MBD5: variants seen among roughly 807,000 people sequenced by gnomAD.
The protein encoded by MBD5 is methyl-CpG-binding domain protein 5.
A neutral mutation model predicts 117.3 loss-of-function variants in MBD5; 13 were observed. The ratio of observed to expected loss-of-function variants is 0.11; its 90% CI spans 0.07 to 0.18. MBD5 has a LOEUF of 0.18. Among genes scored for constraint, MBD5 ranks in the 10% least tolerant of loss-of-function variants. MBD5 has a pLI of 1.00. For synonymous variants in MBD5, 727 were observed against 766.4 expected, an observed-to-expected ratio of 0.95 and a Z score of 0.85; for missense variants, 1,879 against 2,093.8, an observed-to-expected ratio of 0.90 and a Z score of 2.00.
chr2:148,143,107 TAAGTG>T (rs1359161515), intron 1 of MBD5, among the ~76,000 whole-genome samples: 1 of 152,192 alleles, frequency 6.6e-6, no homozygotes, highest in Non-Finnish European at 1.5e-5. Context: ...AAAAAATTGT[TAAGTG>T]AAGAAGTAGA....
chr2:148,241,836 T>G (rs1186761483), intron 3 of MBD5, among the ~76,000 whole-genome samples: 1 of 152,200 alleles, frequency 6.6e-6, no homozygotes, highest in African/African-American at 2.4e-5. Context: ...CTCTCTAACA[T>G]GTCTTCAAAT....
chr2:148,492,435 A>G (rs1681558278), intron 11 of MBD5, among the ~76,000 whole-genome samples: 1 of 152,050 alleles, frequency 6.6e-6, no homozygotes, highest in Admixed American at 6.5e-5. Context: ...AAGTATTTTT[A>G]GTAATTCAGA....
At chr2:148,296,725 A>G (rs1368308508) in intron 3 of MBD5, 1 of 153,384 alleles carries the variant, frequency 6.5e-6, no homozygotes, top group African/African-American at 2.4e-5. Flanking sequence ...CCACAAACCC[A>G]CACACCAAAC....
intron 12 of MBD5, among the ~76,000 whole-genome samples, chr2:148,503,348 G>A (rs1412078414): frequency 6.6e-6 from 1 of 152,102 alleles, no homozygotes. Flanking sequence ...GGCTTAATGT[G>A]TATATGTATT....
chr2:148,095,707 T>C (rs1449958), intron 1 of MBD5, among the ~76,000 whole-genome samples: 67,856 of 151,706 alleles, frequency 0.45, 15,295 homozygotes, highest in South Asian at 0.51. Flanking sequence ...TATTTTAAAA[T>C]TAATTAAGTT....
intron 3 of MBD5, among the ~76,000 whole-genome samples, chr2:148,257,794 T>G (rs1700626048): frequency 6.6e-6 from 1 of 152,202 alleles, no homozygotes; most frequent in Non-Finnish European, 1.5e-5. Flanking sequence ...GAAGGCGAAC[T>G]GTTCCTGGCT....
At chr2:148,162,554 CTCTTT>C (rs949294739) in intron 1 of MBD5, among the ~76,000 whole-genome samples, 37 of 152,016 alleles carry the variant, frequency 2.4e-4, no homozygotes, top group African/African-American at 8.5e-4. Context: ...AGGATGACAT[CTCTTT>C]TCTTTTTTTG....
At chr2:148,423,736 A>G (rs1705683177) in intron 4 of MBD5, among the ~76,000 whole-genome samples, 1 of 152,194 alleles carries the variant, frequency 6.6e-6, no homozygotes, top group African/African-American at 2.4e-5. Flanking sequence ...AAGTGCCCCA[A>G]TTAAAAGACA....
intron 3 of MBD5, among the ~76,000 whole-genome samples, chr2:148,241,511 C>G (rs537465114): frequency 6.6e-6 from 1 of 152,088 alleles, no homozygotes; most frequent in South Asian, 2.1e-4. Context: ...TGGAGTCTTC[C>G]CCATGCATGT....
chr2:148,156,078 C>G (rs1025820250), intron 1 of MBD5, among the ~76,000 whole-genome samples: 1 of 152,192 alleles, frequency 6.6e-6, no homozygotes, highest in African/African-American at 2.4e-5. Context: ...TCATCCCGGA[C>G]AGGTACAAAA....
intron 4 of MBD5, among the ~76,000 whole-genome samples, chr2:148,360,522 T>C (rs1380607607): frequency 2.0e-5 from 3 of 152,210 alleles, no homozygotes; most frequent in Admixed American, 6.5e-5. Flanking sequence ...GTAGGAATTA[T>C]TTTTAAAACC....
intron 1 of MBD5, among the ~76,000 whole-genome samples, chr2:148,143,101 A>G (rs1697358018): frequency 6.6e-6 from 1 of 152,216 alleles, no homozygotes; most frequent in Non-Finnish European, 1.5e-5. Context: ...GGGTTTAAAA[A>G]ATTGTTAAGT....
intron 1 of MBD5, among the ~76,000 whole-genome samples, chr2:148,128,610 A>G (rs1696959534): frequency 1.3e-5 from 2 of 152,226 alleles, no homozygotes; most frequent in African/African-American, 4.8e-5. Flanking sequence ...ACATATATGC[A>G]TGTTTTTTGT....
intron 1 of MBD5, among the ~76,000 whole-genome samples, chr2:148,137,583 G>C (rs1233811774): frequency 6.6e-6 from 1 of 152,156 alleles, no homozygotes. Context: ...AACATAGAGA[G>C]ACACTGTCTC....
At chr2:148,154,475 T>C (rs1368521801) in intron 1 of MBD5, among the ~76,000 whole-genome samples, 4 of 152,168 alleles carry the variant, frequency 2.6e-5, no homozygotes, top group African/African-American at 9.6e-5. Context: ...TCGAGCATCC[T>C]GGCTGCTTTG....
chr2:148,089,437 A>G (rs1377019864), intron 1 of MBD5, among the ~76,000 whole-genome samples: 1 of 152,134 alleles, frequency 6.6e-6, no homozygotes, highest in Non-Finnish European at 1.5e-5. Flanking sequence ...GATAGACCAT[A>G]CGATAGACCA....
At chr2:148,242,225 A>G (rs925971739) in intron 3 of MBD5, among the ~76,000 whole-genome samples, 1 of 152,086 alleles carries the variant, frequency 6.6e-6, no homozygotes, top group Admixed American at 6.6e-5. Flanking sequence ...CTTTATTACC[A>G]TAATTATTCT....
intron 4 of MBD5, among the ~76,000 whole-genome samples, chr2:148,343,403 C>T (rs145219154): frequency 1.1e-3 from 167 of 152,068 alleles, no homozygotes; most frequent in Middle Eastern, 6.8e-3. Context: ...AGTATGTAAG[C>T]GTTCCCTTTT....
At position 148,468,830 on chromosome 2, in the gene MBD5, A is replaced by G. The variant is rs990703439; in HGVS notation, c.887A>G (p.Asn296Ser). The change falls in exon 8 of 14, where the codon AAT (asparagine) becomes AGT (serine). Residue 296 changes from asparagine to serine, a missense_variant. By Grantham distance (46) the Asn-to-Ser change is conservative. Coordinates refer to ENST00000642680, the MANE Select transcript of MBD5 (RefSeq NM_001378120.1). ...QSSCAMAGRT[N>S]IPLSPTLTTK... ...TCCTGTGCAATGGCTGGAAGGACTA[A>G]TATACCTCTTTCCCCAACCTTGACT... 1.2e-6 allele frequency: 2 copies of G among 1,613,944 alleles called. No homozygotes were observed. Among genetic ancestry groups the G allele is most frequent in the Non-Finnish European group, 1.7e-6 (2 of 1,179,926 alleles).
Sources: allele counts gnomAD v4.1 joint callset (sites outside exome capture counted in the v4.1 genomes callset), GRCh38; gene constraint gnomAD v4.1.1; transcripts MANE v1.5; gene names NCBI Gene and HGNC (gene_info 2026-07-23, HGNC 2026-07-21).